The following MUC22 variants were observed in gnomAD, a reference collection of about 807,000 sequenced individuals.
MUC22 encodes mucin 22, also known as mucin-22.
MUC22 carries 24 observed loss-of-function variants against 40.3 expected under a neutral mutation model. That is an observed-to-expected ratio of 0.60 (90% CI 0.43 to 0.84). MUC22 has a LOEUF of 0.84. Ranked by LOEUF, MUC22 falls within the 40% of genes least tolerant of loss-of-function variation. The pLI is 0.00. For synonymous variants in MUC22, 765 were observed against 844.5 expected, an observed-to-expected ratio of 0.91 and a Z score of 1.63; for missense variants, 1,926 against 2,130.7, an observed-to-expected ratio of 0.90 and a Z score of 1.89.
exon 2 of MUC22, chr6:31,029,626 T>C (rs1765858847): frequency 6.5e-7 from 1 of 1,535,352 alleles, no homozygotes; most frequent in South Asian, 1.2e-5. Flanking sequence ...GACTACAGTC[T>C]TTACCACAGT....
intron 1 of MUC22, among the ~76,000 whole-genome samples, chr6:31,023,033 G>A (rs1287870829): frequency 6.6e-6 from 1 of 152,036 alleles, no homozygotes; most frequent in East Asian, 1.9e-4. Flanking sequence ...AGGAGGCCGA[G>A]GCAGGAGAAT....
intron 1 of MUC22, among the ~76,000 whole-genome samples, chr6:31,024,089 C>T (rs1374303888): frequency 6.6e-6 from 1 of 152,162 alleles, no homozygotes; most frequent in Non-Finnish European, 1.5e-5. Context: ...ATTACAAAAA[C>T]TCAGTTTAAG....
intron 1 of MUC22, among the ~76,000 whole-genome samples, chr6:31,023,268 G>T (rs191359969): frequency 6.0e-4 from 92 of 152,158 alleles, no homozygotes; most frequent in Non-Finnish European, 1.2e-3. Flanking sequence ...AGCTACAGTG[G>T]TTCACACTTG....
intron 1 of MUC22, among the ~76,000 whole-genome samples, chr6:31,024,636 T>C (rs1397774678): frequency 6.6e-6 from 1 of 152,194 alleles, no homozygotes; most frequent in Non-Finnish European, 1.5e-5. Flanking sequence ...ATATAAAGAA[T>C]GTAAATACAC....
At chr6:31,026,252 G>T in exon 2 of MUC22, 2 of 1,341,912 alleles carry the variant, frequency 1.5e-6, no homozygotes, top group Admixed American at 2.3e-5. Flanking sequence ...TCTACCACAG[G>T]CTCTGAGACC....
chr6:31,008,715 A>ATATATT (rs1554292468), upstream of MUC22, among the ~76,000 whole-genome samples: 2 of 151,582 alleles, frequency 1.3e-5, no homozygotes, highest in East Asian at 3.9e-4. Context: ...CGCCCAGCTA[A>ATATATT]TTTATTTTTA....
exon 2 of MUC22, chr6:31,029,896 T>C: frequency 6.6e-7 from 1 of 1,520,798 alleles, no homozygotes; most frequent in South Asian, 1.2e-5. Context: ...CAACACTGCC[T>C]TCATCATAGG....
At chr6:31,012,363 G>C (rs56240511) in intron 1 of MUC22, among the ~76,000 whole-genome samples, 11,972 of 152,152 alleles carry the variant, frequency 0.079, 622 homozygotes, top group Middle Eastern at 0.17. Flanking sequence ...CACCCTGAAT[G>C]CTTCAACTGT....
At chr6:31,023,256 C>G (rs972238030) in intron 1 of MUC22, among the ~76,000 whole-genome samples, 8 of 151,854 alleles carry the variant, frequency 5.3e-5, no homozygotes, top group Non-Finnish European at 1.0e-4. Flanking sequence ...AAATTCAGGG[C>G]CAGCTACAGT....
intron 1 of MUC22, among the ~76,000 whole-genome samples, chr6:31,021,983 G>A (rs559839475): frequency 1.4e-4 from 22 of 152,088 alleles, no homozygotes; most frequent in Non-Finnish European, 2.9e-4. Flanking sequence ...CCTGAAGCCA[G>A]CGAGCCCACG....
Position 31,032,069 on chromosome 6 carries a change from A to G in MUC22, c.4670-127A>G. 1.9e-6 allele frequency: 2 copies of G among 1,033,474 alleles called. No individual in the cohort carries two copies. The highest frequency in any genetic ancestry group is 2.7e-6 in the Non-Finnish European group (2 of 731,978). The allele number at this position is 1,033,474 out of a possible 1,614,324, so 64.0% of individuals were successfully genotyped here. A position where few individuals can be genotyped will look rare whatever the true frequency, so the allele number is the denominator to read the frequency against. On this transcript the variant is annotated intron_variant, in intron 2 of 3. Coordinates refer to ENST00000561890, the Ensembl canonical transcript of MUC22. The surrounding 1 kb of genome is among the most constrained non-coding windows in gnomAD (Gnocchi z 4.1). ...CGCTTTCTACCATCTCTCCTCCCCC[A>G]CCACACCTCTCCTGAGCCACCTCCA...
intron 1 of MUC22, 137 bp downstream of exon 1, chr6:31,010,913 C>G: frequency 1.7e-6 from 1 of 594,606 alleles, no homozygotes. Flanking sequence ...TTTTTTTTGC[C>G]CATTTCTGCA....
intron 1 of MUC22, among the ~76,000 whole-genome samples, chr6:31,021,007 C>G (rs537991393): frequency 2.7e-5 from 4 of 146,698 alleles, no homozygotes; most frequent in East Asian, 1.9e-4. Context: ...CCTCCCACCC[C>G]CTCCATGGGC....
intron 1 of MUC22, among the ~76,000 whole-genome samples, chr6:31,018,302 T>C (rs3906268): frequency 0.15 from 22,095 of 152,212 alleles, 1,767 homozygotes; most frequent in African/African-American, 0.19. Flanking sequence ...AGACAGTTCC[T>C]AGCTACATTG....
At chr6:31,022,926 T>TA (rs1233890720) in intron 1 of MUC22, among the ~76,000 whole-genome samples, 6 of 152,108 alleles carry the variant, frequency 3.9e-5, no homozygotes, top group African/African-American at 9.7e-5. Flanking sequence ...GGCCAGGAGT[T>TA]AGAGACCAGC....
intron 2 of MUC22, among the ~76,000 whole-genome samples, 174 bp downstream of exon 2, chr6:31,030,274 T>C (rs62401668): frequency 0.11 from 17,288 of 152,104 alleles, 1,119 homozygotes; most frequent in Middle Eastern, 0.17. Flanking sequence ...TCCCAGCACA[T>C]TGGAAGGCTG....
chr6:31,016,071 T>G (rs1053158990), intron 1 of MUC22, among the ~76,000 whole-genome samples: 7 of 113,758 alleles, frequency 6.2e-5, no homozygotes, highest in East Asian at 2.3e-4. Context: ...AATTTTGAGG[T>G]TTTTTTTTTT....
intron 1 of MUC22, among the ~76,000 whole-genome samples, chr6:31,023,897 T>C (rs28744237): frequency 0.061 from 9,231 of 152,166 alleles, 344 homozygotes; most frequent in South Asian, 0.12. Context: ...ATTTACTAAC[T>C]ACAAAGGGAG....
At chr6:31,015,436 C>G (rs1764126170) in intron 1 of MUC22, among the ~76,000 whole-genome samples, 1 of 152,194 alleles carries the variant, frequency 6.6e-6, no homozygotes. Context: ...GGGCCTCTGA[C>G]TAGGGCTTAG....
Sources: gnomAD v4.1 joint callset for allele counts (sites outside exome capture counted in the v4.1 genomes callset) on GRCh38, gnomAD v4.1.1 for gene constraint, Gnocchi (gnomAD v3.1) non-coding constraint, MANE v1.5 for transcripts, NCBI Gene and HGNC (gene_info 2026-07-23, HGNC 2026-07-21) for gene names.